The following ADAM9 variants were observed in gnomAD, a reference collection of about 807,000 sequenced individuals.
ADAM9 encodes the protein disintegrin and metalloproteinase domain-containing protein 9.
ADAM9 carries 54 observed loss-of-function variants against 108.1 expected under a neutral mutation model. The observed-to-expected ratio is 0.50, with a 90% CI of 0.40 to 0.63. The LOEUF (loss-of-function observed/expected upper bound fraction) is 0.63, where lower values mean the gene tolerates loss of function less well. Among genes scored for constraint, ADAM9 ranks in the 20% least tolerant of loss-of-function variants. The pLI is 0.00. For missense variants in ADAM9, 830 were observed against 997.7 expected (o/e 0.83, Z 2.26); for synonymous variants, 316 against 336.0 (o/e 0.94, Z 0.65).
chr8:39,077,274 C>G lies in ADAM9; in HGVS notation c.1744C>G (p.Pro582Ala). 6.2e-7 allele frequency: 1 copy of G among 1,613,956 alleles called. No homozygotes were observed. Among genetic ancestry groups the G allele is most frequent in the South Asian group, 1.1e-5 (1 of 91,072 alleles). ...KLQCENVQEIPVFGIVPAIIQ... is the reference protein window; with the variant it reads ...KLQCENVQEIAVFGIVPAIIQ... ...TCAGTGTGAGAATGTACAAGAGATA[C>G]CTGTATTTGGAATTGTGCCTGCTAT... is the stretch of plus-strand genomic sequence containing the variant. The change falls in exon 16 of 22, where the codon CCT (proline) becomes GCT (alanine). Residue 582 changes from proline (P) to alanine (A), a missense_variant. Pro to Ala is a conservative substitution (Grantham distance 27). Transcript: ENST00000487273.
At chr8:39,024,785 T>C (rs1454194781) in intron 9 of ADAM9, among the ~76,000 whole-genome samples, 1 of 152,132 alleles carries the variant, frequency 6.6e-6, no homozygotes, top group Non-Finnish European at 1.5e-5. Context: ...AATAAGTACA[T>C]GTAGTATGTT....
chr8:39,016,254 G>GT, intron 5 of ADAM9, 60 bp downstream of exon 5: 1 of 1,426,092 alleles, frequency 7.0e-7, no homozygotes, highest in African/African-American at 1.4e-5. Flanking sequence ...CCTCTTTCCT[G>GT]TTTCTGTCTC....
intron 1 of ADAM9, among the ~76,000 whole-genome samples, chr8:39,001,250 G>C (rs1016153799): frequency 1.3e-5 from 2 of 152,220 alleles, no homozygotes; most frequent in Non-Finnish European, 2.9e-5. Context: ...AGGCTATGTA[G>C]ATTTGTAGAA....
chr8:39,033,768 G>A (rs1837178592), intron 11 of ADAM9, among the ~76,000 whole-genome samples: 1 of 152,090 alleles, frequency 6.6e-6, no homozygotes, highest in South Asian at 2.1e-4. Context: ...TGGAAAGAAT[G>A]TGTTTTAGAA....
intron 18 of ADAM9, among the ~76,000 whole-genome samples, chr8:39,084,457 T>G (rs1564368371): frequency 6.6e-6 from 1 of 151,958 alleles, no homozygotes; most frequent in Admixed American, 6.6e-5. Context: ...TTTTTTTTTC[T>G]TTGACTTACA....
intron 20 of ADAM9, among the ~76,000 whole-genome samples, chr8:39,097,495 A>G (rs940015901): frequency 3.3e-5 from 5 of 151,858 alleles, no homozygotes; most frequent in African/African-American, 1.2e-4. Flanking sequence ...TTTAGTAGAG[A>G]TGGGGTTTCA....
chr8:39,012,993 G>C (rs1056839796), intron 3 of ADAM9, among the ~76,000 whole-genome samples: 3 of 152,114 alleles, frequency 2.0e-5, no homozygotes, highest in Non-Finnish European at 2.9e-5. Context: ...GCCTCCAGGG[G>C]AGTTTTGAAC....
At chr8:39,082,937 T>G (rs1839068359) in intron 17 of ADAM9, 31 bp from the exon 18 acceptor site, 2 of 1,576,680 alleles carry the variant, frequency 1.3e-6, no homozygotes, top group Non-Finnish European at 1.7e-6. Context: ...CATTCACAAT[T>G]AACAAAAGTG....
At chr8:39,084,026 C>G (rs1839104415) in intron 18 of ADAM9, among the ~76,000 whole-genome samples, 2 of 152,090 alleles carry the variant, frequency 1.3e-5, no homozygotes, top group South Asian at 4.1e-4. Flanking sequence ...TTAGCCATTC[C>G]AGTAGGTATG....
intron 1 of ADAM9, among the ~76,000 whole-genome samples, chr8:39,002,312 CTTT>C (rs35517175): frequency 1.0e-3 from 73 of 71,480 alleles, no homozygotes; most frequent in African/African-American, 3.7e-3. Flanking sequence ...AGGTAGAATT[CTTT>C]TTTTTTTTTT....
chr8:39,062,702 T>C (rs1838336112), intron 14 of ADAM9, among the ~76,000 whole-genome samples: 1 of 152,190 alleles, frequency 6.6e-6, no homozygotes, highest in South Asian at 2.1e-4. Context: ...GTTTCCCAAC[T>C]CAGTGGCCAT....
At chr8:39,086,398 G>A (rs1839182468) in intron 18 of ADAM9, among the ~76,000 whole-genome samples, 1 of 151,834 alleles carries the variant, frequency 6.6e-6, no homozygotes, top group African/African-American at 2.4e-5. Flanking sequence ...TACATTTCTT[G>A]TGTGAAGTCT....
intron 20 of ADAM9, among the ~76,000 whole-genome samples, chr8:39,096,704 T>A (rs1839518564): frequency 6.6e-6 from 1 of 152,222 alleles, no homozygotes; most frequent in South Asian, 2.1e-4. Context: ...TCTGCCACTT[T>A]GATTTTGAAT....
chr8:39,099,333 T>A (rs1276519366), intron 20 of ADAM9, among the ~76,000 whole-genome samples: 1 of 151,140 alleles, frequency 6.6e-6, no homozygotes, highest in Non-Finnish European at 1.5e-5. Context: ...ACGTTCTTGG[T>A]TTTTTTTTGG....
chr8:39,077,146 T>G, intron 15 of ADAM9, 82 bp from the exon 16 acceptor site: 1 of 1,446,280 alleles, frequency 6.9e-7, no homozygotes, highest in African/African-American at 1.4e-5. Context: ...GCAAACTCTG[T>G]CCATATGCAA....
chr8:39,055,348 T>C (rs1838086079), intron 13 of ADAM9, among the ~76,000 whole-genome samples: 1 of 152,210 alleles, frequency 6.6e-6, no homozygotes, highest in Non-Finnish European at 1.5e-5. Flanking sequence ...TGTATTTTTA[T>C]TTAGTTTGCA....
At chr8:39,032,567 C>G (rs1042347787) in intron 11 of ADAM9, among the ~76,000 whole-genome samples, 1 of 152,250 alleles carries the variant, frequency 6.6e-6, no homozygotes, top group Non-Finnish European at 1.5e-5. Context: ...TTTCCAGGTA[C>G]AGTCTGTCAC....
chr8:39,041,882 G>C (rs1460417522), intron 11 of ADAM9, 64 bp from the exon 12 acceptor site: 15 of 1,486,772 alleles, frequency 1.0e-5, no homozygotes, highest in Non-Finnish European at 1.2e-5. Context: ...TTAAAGTCAT[G>C]ACTTAACATT....
intron 12 of ADAM9, among the ~76,000 whole-genome samples, chr8:39,050,390 G>A (rs1056952013): frequency 1.3e-5 from 2 of 151,130 alleles, no homozygotes; most frequent in East Asian, 1.9e-4. Context: ...GATTGCCACA[G>A]TGTGTATATT....
Sources: gnomAD v4.1 joint callset for allele counts (sites outside exome capture counted in the v4.1 genomes callset) on GRCh38, gnomAD v4.1.1 for gene constraint, MANE v1.5 for transcripts, NCBI Gene and HGNC (gene_info 2026-07-23, HGNC 2026-07-21) for gene names.